LVRN: variants seen among roughly 807,000 people sequenced by gnomAD.
The protein encoded by LVRN is aminopeptidase Q.
In LVRN, 99 loss-of-function variants were observed where a neutral mutation model predicts 111.4. That is an observed-to-expected ratio of 0.89 (90% confidence interval 0.76 to 1.05). LVRN has a LOEUF of 1.05. Among genes scored for constraint, LVRN ranks in the 50% least tolerant of loss-of-function variants. The probability of loss-of-function intolerance (pLI) is 0.00; values close to 1 mark genes in which losing one functional copy is unlikely to be tolerated. For missense variants in LVRN, 1,414 were observed against 1,206.8 expected (o/e 1.17, Z -2.54); for synonymous variants, 488 against 449.5 (o/e 1.09, Z -1.08).
In LVRN at chr5:116,022,426, C is replaced by A. The variant is rs1344087157; in HGVS notation, c.2792C>A (p.Thr931Lys). ...GTQSLINLIY[T>K]IGRTVTTDLQ... ...CAATCATTGATTAATCTAATATATA[C>A]AATAGGGAGAACCGTAACTACAGAT... Residue 931 changes from threonine (T) to lysine (K), a missense_variant, in exon 19 of 20, where the codon ACA (threonine) becomes AAA (lysine). Thr to Lys is a moderately conservative substitution (Grantham distance 78). Transcript: ENST00000357872. 2 of 1,567,626 alleles carry A rather than the reference C, an allele frequency of 1.3e-6. No individual in the cohort carries two copies. The highest frequency in any genetic ancestry group is 1.4e-5 in the African/African-American group (1 of 72,798).
intron 1 of LVRN, among the ~76,000 whole-genome samples, chr5:115,981,316 T>A (rs1028851569): frequency 6.6e-6 from 1 of 152,208 alleles, no homozygotes; most frequent in Non-Finnish European, 1.5e-5. Flanking sequence ...CCAACTATTA[T>A]AAATGATACA....
chr5:116,011,532 G>A (rs1748489642), intron 14 of LVRN, among the ~76,000 whole-genome samples: 1 of 152,098 alleles, frequency 6.6e-6, no homozygotes, highest in South Asian at 2.1e-4. Flanking sequence ...CCCTCTTTGG[G>A]GAGTTAGGGG....
chr5:116,011,508 C>T (rs567131175), intron 14 of LVRN, among the ~76,000 whole-genome samples: 16 of 151,990 alleles, frequency 1.1e-4, no homozygotes, highest in African/African-American at 1.9e-4. Flanking sequence ...AAAATCAAAG[C>T]GAAAGTTAGG....
intron 11 of LVRN, 85 bp from the exon 12 acceptor site, chr5:116,003,156 G>T: frequency 7.9e-7 from 1 of 1,271,768 alleles, no homozygotes; most frequent in African/African-American, 1.5e-5. Context: ...TTGGTTTATT[G>T]TTTAGAATCG....
intron 1 of LVRN, among the ~76,000 whole-genome samples, chr5:115,967,174 T>C (rs192780840): frequency 6.6e-6 from 1 of 152,134 alleles, no homozygotes; most frequent in African/African-American, 2.4e-5. Context: ...GAAGTCCAAT[T>C]TGTCTATTTT....
chr5:115,986,929 G>C (rs375945365), intron 3 of LVRN, among the ~76,000 whole-genome samples: 9 of 152,190 alleles, frequency 5.9e-5, no homozygotes, highest in South Asian at 2.1e-4. Context: ...TTCACAACAG[G>C]ACAAATATTT....
chr5:116,012,283 C>T (rs755090764), intron 14 of LVRN, 91 bp from the exon 15 acceptor site: 3 of 707,862 alleles, frequency 4.2e-6, no homozygotes, highest in Non-Finnish European at 7.4e-6. Flanking sequence ...ACTTGTCTAT[C>T]AATGTCTTTT....
chr5:115,983,226 T>C, intron 1 of LVRN, 61 bp from the exon 2 acceptor site: 1 of 1,462,052 alleles, frequency 6.8e-7, no homozygotes, highest in South Asian at 1.5e-5. Context: ...TCTCTCAATG[T>C]TTTTTTATTC....
chr5:115,986,925 A>G lies in LVRN; in HGVS notation c.979-888A>G, dbSNP rs372972023. Among the ~76,000 whole-genome samples the G allele has an allele frequency of 1.6e-4, 24 of 152,346 alleles. No individual in the cohort carries two copies. In the East Asian group the frequency reaches 3.5e-3, roughly 22 times the overall value. Reference sequence around the variant, plus strand: ...CTTTCTTAAATTAACGGCATTCACAACAGGACAAATATTTTAATTATCTCA... The same window carrying G: ...CTTTCTTAAATTAACGGCATTCACAGCAGGACAAATATTTTAATTATCTCA... On this transcript the variant is annotated intron_variant, in intron 3 of 19. Transcript: ENST00000357872.
intron 6 of LVRN, among the ~76,000 whole-genome samples, chr5:115,997,434 T>G (rs928921881): frequency 2.0e-5 from 3 of 152,066 alleles, no homozygotes; most frequent in African/African-American, 7.2e-5. Flanking sequence ...GAGGCCAAGG[T>G]GGGAGAATCT....
chr5:115,973,179 C>G (rs1451608075), intron 1 of LVRN, among the ~76,000 whole-genome samples: 1 of 152,220 alleles, frequency 6.6e-6, no homozygotes, highest in East Asian at 1.9e-4. Flanking sequence ...ATCCATCTCC[C>G]TTGGCCTCCC....
intron 12 of LVRN, among the ~76,000 whole-genome samples, chr5:116,005,494 A>G (rs1748342113): frequency 1.3e-5 from 2 of 152,232 alleles, no homozygotes; most frequent in African/African-American, 4.8e-5. Flanking sequence ...TGGTACCTCA[A>G]TGTTACCAAA....
chr5:115,969,876 C>T (rs17481649), intron 1 of LVRN, among the ~76,000 whole-genome samples: 9,550 of 150,426 alleles, frequency 0.063, 352 homozygotes, highest in Middle Eastern at 0.099. Flanking sequence ...TACCATTCTT[C>T]GTAATGTTCA....
chr5:116,025,162 G>A (rs1047182610), intron 19 of LVRN, among the ~76,000 whole-genome samples: 6 of 152,192 alleles, frequency 3.9e-5, no homozygotes, highest in African/African-American at 1.4e-4. Flanking sequence ...GAGAAGGGAA[G>A]GAAAGAGTGG....
In LVRN at chr5:116,001,362, T is replaced by C. The variant is rs772438659; in HGVS notation, c.1820+123T>C. The stretch of plus-strand genomic sequence containing the variant: ...GGCATACACACTTCTGCAATGTGAC[T>C]GTGTACTAGGGTGAAGCAGAGCCCT... On this transcript the variant is annotated intron_variant, in intron 10 of 19. Coordinates refer to ENST00000357872, the MANE Select transcript of LVRN (RefSeq NM_173800.5). 524 of 1,158,748 alleles carry C rather than the reference T, an allele frequency of 4.5e-4. 3 individuals carry two copies. The highest frequency in any genetic ancestry group is 4.7e-4 in the Admixed American group (21 of 44,340). The allele number at this position is 1,158,748 out of a possible 1,614,324, so 71.8% of individuals were successfully genotyped here. A position where few individuals can be genotyped will look rare whatever the true frequency, so the allele number is the denominator to read the frequency against.
At chr5:115,978,888 T>C (rs950625605) in intron 1 of LVRN, among the ~76,000 whole-genome samples, 3 of 152,146 alleles carry the variant, frequency 2.0e-5, no homozygotes, top group Non-Finnish European at 4.4e-5. Context: ...TTGGTCTCAT[T>C]CTGGTCTTAC....
intron 1 of LVRN, among the ~76,000 whole-genome samples, chr5:115,971,481 G>T (rs2112554327): frequency 6.6e-6 from 1 of 152,148 alleles, no homozygotes; most frequent in East Asian, 1.9e-4. Context: ...TCCATTTTGA[G>T]TTAATTTTTG....
At chr5:115,972,931 A>ATT (rs112948239) in intron 1 of LVRN, among the ~76,000 whole-genome samples, 2 of 143,486 alleles carry the variant, frequency 1.4e-5, no homozygotes, top group African/African-American at 2.5e-5. Context: ...CTAGCCTTGC[A>ATT]TTTTTTTTTT....
chr5:115,992,928 G>A (rs10900710), intron 5 of LVRN, among the ~76,000 whole-genome samples: 24,868 of 152,138 alleles, frequency 0.16, 2,288 homozygotes, highest in East Asian at 0.41. Context: ...TGTTATCTTC[G>A]TAATGTGGCT....
Sources: gnomAD v4.1 joint callset for allele counts (sites outside exome capture counted in the v4.1 genomes callset) on GRCh38, gnomAD v4.1.1 for gene constraint, MANE v1.5 for transcripts, NCBI Gene and HGNC (gene_info 2026-07-23, HGNC 2026-07-21) for gene names.